The following BCL2L15 variants were observed in gnomAD, a reference collection of about 807,000 sequenced individuals.
The protein encoded by BCL2L15 is bcl-2-like protein 15.
Under a neutral mutation model 18.3 loss-of-function variants are expected in BCL2L15, and 15 were observed. The observed-to-expected ratio is 0.82, with a 90% CI of 0.55 to 1.26. The LOEUF is 1.26. Ranked by LOEUF, BCL2L15 falls within the 50% of genes most tolerant of loss-of-function variation. The probability of loss-of-function intolerance (pLI) is 0.00; values close to 1 mark genes in which losing one functional copy is unlikely to be tolerated. For synonymous variants in BCL2L15, 58 were observed against 68.5 expected (o/e 0.85, Z 0.76); for missense variants, 180 against 201.7 (o/e 0.89, Z 0.65).
chr1:113,882,146 A>C, intron 2 of BCL2L15, 149 bp from the exon 3 acceptor site: 1 of 597,590 alleles, frequency 1.7e-6, no homozygotes, highest in South Asian at 2.3e-5. Flanking sequence ...TAGATGAATA[A>C]TCTTTTCTCA....
At position 113,887,554 on chromosome 1, in the gene BCL2L15, T is replaced by G; in HGVS notation, c.-179A>C. ...ACACAGCTGCTCAGAAAGGTGGGACTTCTCAGAAGGATTACCTACTTGGAA... is the reference window on the plus strand; with the variant it reads ...ACACAGCTGCTCAGAAAGGTGGGACGTCTCAGAAGGATTACCTACTTGGAA... On this transcript the variant is annotated 5_prime_UTR_variant, in exon 1 of 4. Coordinates refer to ENST00000393316, the MANE Select transcript of BCL2L15 (RefSeq NM_001010922.3). 2 of 743,564 alleles carry G rather than the reference T, an allele frequency of 2.7e-6. No homozygotes were observed. The highest frequency in any genetic ancestry group is 1.8e-5 in the South Asian group (1 of 55,362). 46.1% of individuals were successfully genotyped at this position (743,564 alleles called of 1,614,324 possible). A position where few individuals can be genotyped will look rare whatever the true frequency, so the allele number is the denominator to read the frequency against.
intron 2 of BCL2L15, among the ~76,000 whole-genome samples, chr1:113,883,605 C>G (rs1429398670): frequency 6.8e-6 from 1 of 148,038 alleles, no homozygotes; most frequent in Non-Finnish European, 1.5e-5. Context: ...AAAACCCCGT[C>G]TCTACTAAAA....
intron 2 of BCL2L15, among the ~76,000 whole-genome samples, chr1:113,884,874 G>T (rs1666981031): frequency 6.6e-6 from 1 of 151,708 alleles, no homozygotes. Flanking sequence ...TCCCTGTCAA[G>T]CAATTCTCCT....
intron 2 of BCL2L15, among the ~76,000 whole-genome samples, chr1:113,883,664 G>C (rs941789161): frequency 6.6e-6 from 1 of 150,544 alleles, no homozygotes. Flanking sequence ...TGTGCCTGTA[G>C]TCCCAGCTAC....
intron 2 of BCL2L15, 132 bp from the exon 3 acceptor site, chr1:113,882,129 T>TAA: frequency 1.6e-6 from 1 of 628,122 alleles, no homozygotes; most frequent in South Asian, 2.1e-5. Context: ...AAGGAAATCT[T>TAA]AGAGAGTAGA....
Position 113,876,904 on chromosome 1 carries a change from A to C in BCL2L15, c.*4219T>G, listed in dbSNP as rs1228779973. 6.6e-6 allele frequency among the ~76,000 whole-genome samples: 1 copy of C among 152,242 alleles called. No individual in the cohort carries two copies. The highest frequency in any genetic ancestry group is 2.4e-5 in the African/African-American group (1 of 41,466). Reference sequence around the variant, plus strand: ...TGAAGAGGAGGGGTGTTACAGAAGTATACAACAAATTGTATCATTCAGCAA... The same window carrying C: ...TGAAGAGGAGGGGTGTTACAGAAGTCTACAACAAATTGTATCATTCAGCAA... On this transcript the variant is annotated 3_prime_UTR_variant, in exon 4 of 4. Transcript: ENST00000393316.
rs1666864203 is a variant in BCL2L15, at chr1:113,881,039, T to C, written c.*84A>G. 1 of 1,599,256 alleles carries C rather than the reference T, an allele frequency of 6.3e-7. No homozygotes were observed. Among genetic ancestry groups the C allele is most frequent in the South Asian group, 1.1e-5 (1 of 89,980 alleles). On this transcript the variant is annotated 3_prime_UTR_variant, in exon 4 of 4. Coordinates refer to ENST00000393316, the MANE Select transcript of BCL2L15 (RefSeq NM_001010922.3). Reference sequence around the variant, plus strand: ...ATAAAATGAAAAAAGTGCTTTTTTATTTGTTTGTTTGAATTCCCAGGAATC... The same window carrying C: ...ATAAAATGAAAAAAGTGCTTTTTTACTTGTTTGTTTGAATTCCCAGGAATC...
intron 2 of BCL2L15, among the ~76,000 whole-genome samples, chr1:113,883,123 A>G (rs1666929406): frequency 6.6e-6 from 1 of 152,100 alleles, no homozygotes; most frequent in African/African-American, 2.4e-5. Context: ...GAGCCCAAAC[A>G]AGCTGAAAAG....
Position 113,877,058 on chromosome 1 carries a change from A to G in BCL2L15, c.*4065T>C, listed in dbSNP as rs1272969685. Among the ~76,000 whole-genome samples the G allele has an allele frequency of 3.3e-5, 5 of 152,182 alleles. No homozygotes were observed. The highest frequency in any genetic ancestry group is 6.5e-5 in the Admixed American group (1 of 15,270). ...AAAGACCACTTCTTATTCTGGTTAT[A>G]TGGATAGCCTTCATGGAGAAGGCTT... On this transcript the variant is annotated 3_prime_UTR_variant, in exon 4 of 4. Transcript: ENST00000393316.
At chr1:113,881,478 G>A in intron 3 of BCL2L15, 3 of 1,345,796 alleles carry the variant, frequency 2.2e-6, no homozygotes, top group Admixed American at 3.3e-5. Flanking sequence ...GCTGAAATTA[G>A]AACTCTATCA....
At chr1:113,885,363 A>C (rs903158059) in intron 2 of BCL2L15, among the ~76,000 whole-genome samples, 1 of 152,220 alleles carries the variant, frequency 6.6e-6, no homozygotes, top group African/African-American at 2.4e-5. Context: ...CTGCCTGAAC[A>C]TAGTGTAGGC....
rs140673000 is a variant in BCL2L15 at position 113,885,198 on chromosome 1, C to T, written c.249+1339G>A. ...CTCAAACTCCTGGCCTCAAGCAGTC[C>T]GCCCCTCTCGGCCTCCCAAAGTGCT... On this transcript the variant is annotated intron_variant, in intron 2 of 3. Transcript: ENST00000393316. 4.8e-3 allele frequency among the ~76,000 whole-genome samples: 730 copies of T among 151,924 alleles called. 8 individuals are homozygous for T. Among genetic ancestry groups the T allele is most frequent in the African/African-American group, 0.016 (644 of 41,412 alleles).
chr1:113,887,384 T>C lies in BCL2L15; in HGVS notation c.-9A>G. 1 of 1,614,018 alleles carries C rather than the reference T, an allele frequency of 6.2e-7. No individual in the cohort carries two copies. The highest frequency in any genetic ancestry group is 8.5e-7 in the Non-Finnish European group (1 of 1,179,910). ...GTTTGGGAGCTCTTCATTTTAGATG[T>C]TTGCTGTCAAGTTTTGCTTTTCCAC... On this transcript the variant is annotated 5_prime_UTR_variant, in exon 1 of 4. Transcript: ENST00000393316.
In BCL2L15 at chr1:113,878,464, T is replaced by C. The variant is rs763883261; in HGVS notation, c.*2659A>G. The C allele has an allele frequency of 3.9e-5, 6 of 152,364 alleles. No homozygotes were observed. The highest frequency in any genetic ancestry group is 5.9e-5 in the Non-Finnish European group (4 of 68,044). 9.4% of individuals were successfully genotyped at this position (152,364 alleles called of 1,614,324 possible). A position where few individuals can be genotyped will look rare whatever the true frequency, so the allele number is the denominator to read the frequency against. The stretch of plus-strand genomic sequence containing the variant: ...AGAGCTGCTTAACGCATTTGCCTAG[T>C]ATAATCCCCGTGGGCACCATATCTT... On this transcript the variant is annotated 3_prime_UTR_variant, in exon 4 of 4. Transcript: ENST00000393316.
In BCL2L15 at chr1:113,879,225, T is replaced by C. The variant is rs1056914738; in HGVS notation, c.*1898A>G. On this transcript the variant is annotated 3_prime_UTR_variant, in exon 4 of 4. Transcript: ENST00000393316. Reference sequence around the variant, plus strand: ...CTTCTCTGCATTTAGAGGAGATACATAGATGGCTGGCTGATAGAGGGGAAG... The same window carrying C: ...CTTCTCTGCATTTAGAGGAGATACACAGATGGCTGGCTGATAGAGGGGAAG... The C allele has an allele frequency of 1.3e-5, 2 of 152,342 alleles. No homozygotes were observed. The highest frequency in any genetic ancestry group is 2.4e-5 in the African/African-American group (1 of 41,456). 9.4% of individuals were successfully genotyped at this position (152,342 alleles called of 1,614,324 possible).
intron 3 of BCL2L15, chr1:113,881,513 G>A (rs1666878083): frequency 1.5e-6 from 2 of 1,366,522 alleles, no homozygotes; most frequent in South Asian, 1.8e-5. Flanking sequence ...AGATGATTAT[G>A]TGTAGGAAAT....
chr1:113,881,486 T>C (rs1323876003), intron 3 of BCL2L15: 34 of 1,350,386 alleles, frequency 2.5e-5, no homozygotes, highest in Non-Finnish European at 3.2e-5. Flanking sequence ...TAGAACTCTA[T>C]CATGAATATA....
Position 113,880,334 on chromosome 1 carries a change from A to G in BCL2L15, c.*789T>C, listed in dbSNP as rs1666832487. 1 of 152,262 alleles carries G rather than the reference A, an allele frequency of 6.6e-6. No individual in the cohort carries two copies. The highest frequency in any genetic ancestry group is 2.4e-5 in the African/African-American group (1 of 41,460). 9.4% of individuals were successfully genotyped at this position (152,262 alleles called of 1,614,324 possible). On this transcript the variant is annotated 3_prime_UTR_variant, in exon 4 of 4. Transcript: ENST00000393316. ...GAATGAAAATGCTCAACTTAAAATA[A>G]CAAGATTTTAGGCCGGGCGTGGTGG...
At chr1:113,881,241 C>A in intron 3 of BCL2L15, 101 bp from the exon 4 acceptor site, 1 of 1,528,116 alleles carries the variant, frequency 6.5e-7, no homozygotes, top group Non-Finnish European at 9.0e-7. Context: ...AAATGTAGCT[C>A]TTATTAAGGC....
Sources: gnomAD v4.1 joint callset for allele counts (sites outside exome capture counted in the v4.1 genomes callset) on GRCh38, gnomAD v4.1.1 for gene constraint, MANE v1.5 for transcripts, NCBI Gene and HGNC (gene_info 2026-07-23, HGNC 2026-07-21) for gene names.